C2orf76: variants seen among roughly 807,000 people sequenced by gnomAD.
C2orf76 encodes UPF0538 protein C2orf76.
C2orf76 carries 23 observed loss-of-function variants against 16.9 expected under a neutral mutation model. The observed-to-expected ratio is 1.36, with a 90% CI of 0.98 to 1.93. The LOEUF (loss-of-function observed/expected upper bound fraction) is 1.93. Among genes scored for constraint, C2orf76 ranks in the 30% most tolerant of loss-of-function variants. The pLI is 0.00. For synonymous variants in C2orf76, 48 were observed against 52.3 expected, an observed-to-expected ratio of 0.92 and a Z score of 0.35; for missense variants, 152 against 152.6, an observed-to-expected ratio of 1.00 and a Z score of 0.02.
In C2orf76 at chr2:119,355,922, C is replaced by T. The variant is rs1432068850; in HGVS notation, c.-13+10868G>A. Among the ~76,000 whole-genome samples, 4 of 152,176 alleles carry T rather than the reference C, an allele frequency of 2.6e-5. No homozygotes were observed. The East Asian group carries it at 5.8e-4, about 22-fold the overall frequency. On this transcript the variant is annotated intron_variant, in intron 1 of 5. Transcript: ENST00000334816. ...AGTATCCACAACATAGATGCCAAGA[C>T]GTCCACATCCTGCACCACAGGAAAA...
At chr2:119,350,586 G>C (rs968336512) in intron 1 of C2orf76, among the ~76,000 whole-genome samples, 3 of 152,222 alleles carry the variant, frequency 2.0e-5, no homozygotes, top group African/African-American at 4.8e-5. Context: ...CACTGCATCA[G>C]AGCAGCCCAG....
At chr2:119,321,127 A>T in intron 3 of C2orf76, 27 bp downstream of exon 3, 1 of 1,251,932 alleles carries the variant, frequency 8.0e-7, no homozygotes, top group Non-Finnish European at 1.1e-6. Context: ...ATTTATATAT[A>T]TTTTAAAAGA....
At chr2:119,321,861 T>TATATATATAC (rs767724303) in intron 2 of C2orf76, among the ~76,000 whole-genome samples, 78 of 151,704 alleles carry the variant, frequency 5.1e-4, no homozygotes, top group Admixed American at 3.8e-3. Flanking sequence ...GACATATATA[T>TATATATATAC]ATATATATAG....
chr2:119,366,947 G>C (rs1201956934), upstream of C2orf76: 11 of 1,441,828 alleles, frequency 7.6e-6, no homozygotes, highest in East Asian at 1.4e-4. Flanking sequence ...GGGTTGGGGC[G>C]AGTGGACCGC....
At chr2:119,320,626 A>G (rs1209995508) in intron 3 of C2orf76, among the ~76,000 whole-genome samples, 1 of 152,192 alleles carries the variant, frequency 6.6e-6, no homozygotes, top group East Asian at 1.9e-4. Flanking sequence ...TATACTTTAA[A>G]ATGTCTGCAC....
intron 1 of C2orf76, among the ~76,000 whole-genome samples, chr2:119,343,027 C>T (rs1250390907): frequency 1.3e-5 from 2 of 152,114 alleles, no homozygotes; most frequent in Non-Finnish European, 2.9e-5. Context: ...GGCTCGGCCT[C>T]CCAAAGTATA....
At chr2:119,367,143 G>C, upstream of C2orf76, 1 of 1,590,500 alleles carries the variant, frequency 6.3e-7, no homozygotes, top group Non-Finnish European at 8.6e-7. Flanking sequence ...AGAAGCTCTC[G>C]GGCTCTTTCC....
At chr2:119,293,384 G>A in the C2orf76 span, among the ~76,000 whole-genome samples, 1 of 152,192 alleles carries the variant, frequency 6.6e-6, no homozygotes, top group African/African-American at 2.4e-5. Context: ...AAGGCCCTGG[G>A]GCATGTGTAT....
At chr2:119,350,838 CAG>C (rs1191760579) in intron 1 of C2orf76, among the ~76,000 whole-genome samples, 29 of 152,312 alleles carry the variant, frequency 1.9e-4, no homozygotes, top group African/African-American at 6.3e-4. Context: ...CTCTAAGCTG[CAG>C]AGTTATAAAC....
At chr2:119,351,377 G>A (rs368235742) in intron 1 of C2orf76, among the ~76,000 whole-genome samples, 4 of 152,132 alleles carry the variant, frequency 2.6e-5, no homozygotes, top group South Asian at 2.1e-4. Context: ...ATCACCAACA[G>A]AAAAGCATTA....
chr2:119,334,287 C>T (rs983666798), intron 2 of C2orf76, among the ~76,000 whole-genome samples: 2 of 145,094 alleles, frequency 1.4e-5, no homozygotes, highest in African/African-American at 5.2e-5. Context: ...CTATTCTGTA[C>T]GGCACTGTAA....
intron 1 of C2orf76, among the ~76,000 whole-genome samples, chr2:119,361,963 A>C (rs1199835989): frequency 6.6e-6 from 1 of 152,068 alleles, no homozygotes; most frequent in Non-Finnish European, 1.5e-5. Flanking sequence ...GCAGGATTAT[A>C]CCTCACTGCA....
At chr2:119,361,824 T>C (rs1445934469) in intron 1 of C2orf76, among the ~76,000 whole-genome samples, 1 of 151,178 alleles carries the variant, frequency 6.6e-6, no homozygotes, top group Non-Finnish European at 1.5e-5. Flanking sequence ...TCAATCTATA[T>C]AGTTAGCTCA....
chr2:119,281,220 CG>C, the C2orf76 span, among the ~76,000 whole-genome samples: 1 of 152,244 alleles, frequency 6.6e-6, no homozygotes, highest in African/African-American at 2.4e-5. Context: ...TTTCATCACC[CG>C]GGTATTAAGC....
chr2:119,342,751 GTTGT>G (rs112996931), intron 1 of C2orf76, among the ~76,000 whole-genome samples: 60 of 151,584 alleles, frequency 4.0e-4, no homozygotes, highest in Middle Eastern at 3.4e-3. Flanking sequence ...AGGTATATGG[GTTGT>G]TTGTTTGTTT....
At chr2:119,295,718 G>A in the C2orf76 span, among the ~76,000 whole-genome samples, 245 of 152,212 alleles carry the variant, frequency 1.6e-3, 6 homozygotes, top group African/African-American at 5.6e-3. Context: ...TTCCCAAAAC[G>A]GTCTGCCCTT....
the C2orf76 span, among the ~76,000 whole-genome samples, chr2:119,287,434 C>A: frequency 6.6e-6 from 1 of 152,186 alleles, no homozygotes; most frequent in South Asian, 2.1e-4. Context: ...CCGCCCGAGA[C>A]CCTCTCCCAC....
chr2:119,299,284 C>G (rs914555581), downstream of C2orf76, among the ~76,000 whole-genome samples: 5 of 152,150 alleles, frequency 3.3e-5, no homozygotes, highest in Non-Finnish European at 5.9e-5. Context: ...TTTCTATGAG[C>G]AAACTTCATC....
At chr2:119,347,097 A>T (rs954946110) in intron 1 of C2orf76, among the ~76,000 whole-genome samples, 1 of 152,246 alleles carries the variant, frequency 6.6e-6, no homozygotes, top group Non-Finnish European at 1.5e-5. Flanking sequence ...GGGGAACTTC[A>T]GCATGGGTAC....
Sources: gnomAD v4.1 joint callset for allele counts (sites outside exome capture counted in the v4.1 genomes callset) on GRCh38, gnomAD v4.1.1 for gene constraint, MANE v1.5 for transcripts, NCBI Gene and HGNC (gene_info 2026-07-23, HGNC 2026-07-21) for gene names.